SLC25A13: variants seen among roughly 807,000 people sequenced by gnomAD.
The protein encoded by SLC25A13 is solute carrier family 25 member 13.
Under a neutral mutation model 85.5 loss-of-function variants are expected in SLC25A13, and 70 were observed. The observed-to-expected ratio is 0.82, with a 90% CI of 0.68 to 1.00. The LOEUF (loss-of-function observed/expected upper bound fraction) is 1.00, where lower values mean the gene tolerates loss of function less well. SLC25A13 is among the 50% of genes least tolerant of loss of function. The pLI, the probability that SLC25A13 is intolerant of heterozygous loss-of-function variation, is 0.00. For synonymous variants in SLC25A13, 259 were observed against 288.7 expected, an observed-to-expected ratio of 0.90 and a Z score of 1.04; for missense variants, 765 against 819.8, an observed-to-expected ratio of 0.93 and a Z score of 0.82.
intron 3 of SLC25A13, among the ~76,000 whole-genome samples, chr7:96,252,253 G>A (rs543900632): frequency 1.3e-5 from 2 of 152,272 alleles, no homozygotes; most frequent in African/African-American, 4.8e-5. Flanking sequence ...GGCAGAGGGA[G>A]TACTGACGAT....
intron 4 of SLC25A13, among the ~76,000 whole-genome samples, chr7:96,232,615 A>C (rs1343880242): frequency 2.0e-5 from 3 of 150,412 alleles, no homozygotes; most frequent in Non-Finnish European, 2.9e-5. Context: ...AATTTAAAAA[A>C]ATTTTAAAAA....
At chr7:96,253,254 A>G (rs1220463260) in intron 3 of SLC25A13, among the ~76,000 whole-genome samples, 1 of 152,200 alleles carries the variant, frequency 6.6e-6, no homozygotes, top group Non-Finnish European at 1.5e-5. Context: ...CCACCAGGAA[A>G]GATGCCAGGA....
chr7:96,205,835 T>A (rs1795438366), intron 5 of SLC25A13, among the ~76,000 whole-genome samples: 1 of 151,998 alleles, frequency 6.6e-6, no homozygotes, highest in African/African-American at 2.4e-5. Context: ...TGGGGACCTG[T>A]CCAGACTCTA....
intron 2 of SLC25A13, among the ~76,000 whole-genome samples, chr7:96,293,383 T>C (rs2116985593): frequency 6.6e-6 from 1 of 152,246 alleles, no homozygotes; most frequent in South Asian, 2.1e-4. Context: ...GGACCTCATG[T>C]CTAAAACACC....
At chr7:96,166,562 G>A (rs1793754374) in intron 13 of SLC25A13, among the ~76,000 whole-genome samples, 1 of 151,758 alleles carries the variant, frequency 6.6e-6, no homozygotes, top group Non-Finnish European at 1.5e-5. Context: ...AAAGATCCCA[G>A]GCTCCTCAAG....
At chr7:96,188,452 G>A (rs2116645109) in intron 9 of SLC25A13, among the ~76,000 whole-genome samples, 1 of 152,332 alleles carries the variant, frequency 6.6e-6, no homozygotes, top group East Asian at 1.9e-4. Context: ...TGGTCACACT[G>A]GCGTCTCTGT....
intron 6 of SLC25A13, among the ~76,000 whole-genome samples, chr7:96,192,386 A>C (rs1218752339): frequency 6.6e-6 from 1 of 152,218 alleles, no homozygotes; most frequent in East Asian, 1.9e-4. Flanking sequence ...TAGATGGTGT[A>C]TGATAGGCCT....
At chr7:96,143,192 T>C (rs1049405780) in intron 14 of SLC25A13, among the ~76,000 whole-genome samples, 54 of 152,360 alleles carry the variant, frequency 3.5e-4, no homozygotes, top group African/African-American at 1.3e-3. Flanking sequence ...TTTGGCCTAA[T>C]TAGCTGTGCT....
At chr7:96,276,150 G>A (rs546968133) in intron 3 of SLC25A13, among the ~76,000 whole-genome samples, 9 of 152,342 alleles carry the variant, frequency 5.9e-5, no homozygotes, top group Non-Finnish European at 1.2e-4. Context: ...TTTACCTAGA[G>A]AAGGAAGAAG....
intron 3 of SLC25A13, among the ~76,000 whole-genome samples, chr7:96,257,333 A>G (rs1368270271): frequency 1.3e-5 from 2 of 152,224 alleles, no homozygotes; most frequent in African/African-American, 4.8e-5. Context: ...CTAATAAAGA[A>G]GAAAAGAGAG....
intron 4 of SLC25A13, among the ~76,000 whole-genome samples, chr7:96,216,072 C>T (rs1382452432): frequency 6.6e-6 from 1 of 151,720 alleles, no homozygotes; most frequent in Non-Finnish European, 1.5e-5. Context: ...GGAAGAATTG[C>T]TTGAACCCCT....
intron 3 of SLC25A13, among the ~76,000 whole-genome samples, chr7:96,262,750 T>A (rs1037262111): frequency 1.3e-5 from 2 of 152,152 alleles, no homozygotes; most frequent in Non-Finnish European, 2.9e-5. Context: ...TCTCTATGCA[T>A]AGAAAGTTTC....
intron 11 of SLC25A13, among the ~76,000 whole-genome samples, chr7:96,182,721 C>T (rs992724800): frequency 6.6e-6 from 1 of 152,072 alleles, no homozygotes; most frequent in East Asian, 1.9e-4. Context: ...ATCAGACCTG[C>T]CAGGTATGGT....
chr7:96,255,429 T>C (rs550656746), intron 3 of SLC25A13, among the ~76,000 whole-genome samples: 1 of 152,250 alleles, frequency 6.6e-6, no homozygotes, highest in African/African-American at 2.4e-5. Context: ...CTCACACTTG[T>C]AGTTCCAGCA....
Position 96,146,596 on chromosome 7 carries a change from A to G in SLC25A13, c.1412T>C (p.Leu471Pro). The change falls in exon 14 of 18, where the codon CTG becomes CCG. Residue 471 changes from leucine (L) to proline (P), a missense_variant. Transcript: ENST00000265631. ...EITTGPRVSA[L>P]SVVRDLGFFG... ...AAACCCCAGGTCCCGCACGACAGAC[A>G]GAGCACTGACTCGAGGACCAGTGGT... The G allele has an allele frequency of 6.2e-7, 1 of 1,614,088 alleles. No homozygotes were observed. Among genetic ancestry groups the G allele is most frequent in the East Asian group, 2.2e-5 (1 of 44,880 alleles).
intron 5 of SLC25A13, among the ~76,000 whole-genome samples, chr7:96,201,307 C>T (rs1481354507): frequency 2.0e-5 from 3 of 152,002 alleles, no homozygotes; most frequent in African/African-American, 7.2e-5. Context: ...GTCAGGAGTT[C>T]AAGACCAGTC....
chr7:96,267,342 T>G (rs1437637062), intron 3 of SLC25A13, among the ~76,000 whole-genome samples: 10 of 152,200 alleles, frequency 6.6e-5, no homozygotes, highest in Non-Finnish European at 1.3e-4. Flanking sequence ...CCATATATTC[T>G]TTCCTCAGAA....
intron 1 of SLC25A13, among the ~76,000 whole-genome samples, chr7:96,317,444 T>C (rs1800172735): frequency 6.6e-6 from 1 of 152,016 alleles, no homozygotes; most frequent in Non-Finnish European, 1.5e-5. Flanking sequence ...GGAACTGAAT[T>C]TGGTATCTAG....
intron 15 of SLC25A13, among the ~76,000 whole-genome samples, chr7:96,128,939 G>GCTCGCTCTCTCT (rs1380552400): frequency 1.6e-4 from 13 of 81,850 alleles, no homozygotes; most frequent in South Asian, 1.1e-3. Context: ...TGCCTTGCTT[G>GCTCGCTCTCTCT]CTCTCTCTCT....
Sources: gnomAD v4.1 joint callset for allele counts (sites outside exome capture counted in the v4.1 genomes callset) on GRCh38, gnomAD v4.1.1 for gene constraint, MANE v1.5 for transcripts, NCBI Gene and HGNC (gene_info 2026-07-23, HGNC 2026-07-21) for gene names.